Variants in SOX5 observed in about 807,000 individuals in gnomAD.
SOX5 encodes SRY-box transcription factor 5, also known as transcription factor SOX-5.
SOX5 carries 9 observed loss-of-function variants against 92.0 expected under a neutral mutation model. That is an observed-to-expected ratio of 0.10 (90% CI 0.06 to 0.17). The LOEUF is 0.17. Among genes scored for constraint, SOX5 ranks in the 10% least tolerant of loss-of-function variants. The pLI is 1.00. For synonymous variants in SOX5, 344 were observed against 336.3 expected, an observed-to-expected ratio of 1.02 and a Z score of -0.25; for missense variants, 642 against 944.5, an observed-to-expected ratio of 0.68 and a Z score of 4.20.
At chr12:24,513,158 T>A (rs545770092) in intron 1 of SOX5, among the ~76,000 whole-genome samples, 4 of 152,290 alleles carry the variant, frequency 2.6e-5, no homozygotes, top group Admixed American at 6.5e-5. Context: ...TACCAGACGA[T>A]TTTGCCCAAC....
intron 1 of SOX5, among the ~76,000 whole-genome samples, chr12:23,943,841 C>T (rs1209327269): frequency 6.6e-6 from 1 of 152,024 alleles, no homozygotes; most frequent in Non-Finnish European, 1.5e-5. Context: ...GCAAAAACTC[C>T]TTAAACTACC....
chr12:23,543,444 G>T, intron 12 of SOX5, 60 bp from the exon 13 acceptor site: 1 of 1,317,988 alleles, frequency 7.6e-7, no homozygotes, highest in Non-Finnish European at 1.1e-6. Context: ...TCTTTTCCTT[G>T]CATTCCTATT....
intron 2 of SOX5, among the ~76,000 whole-genome samples, 185 bp downstream of exon 2, chr12:23,895,608 G>A (rs887269170): frequency 4.6e-5 from 7 of 152,064 alleles, no homozygotes; most frequent in Admixed American, 1.3e-4. Context: ...CAAAAGAAAC[G>A]AAAACAGCGT....
intron 3 of SOX5, among the ~76,000 whole-genome samples, chr12:24,240,163 T>G (rs912714657): frequency 7.2e-5 from 11 of 152,218 alleles, no homozygotes; most frequent in African/African-American, 2.7e-4. Flanking sequence ...TCACTTTAGT[T>G]CTTTAACTTG....
intron 3 of SOX5, among the ~76,000 whole-genome samples, chr12:23,843,207 CA>C (rs35279483): frequency 0.31 from 46,629 of 151,514 alleles, 7,853 homozygotes; most frequent in Middle Eastern, 0.42. Context: ...CTGTCACAGC[CA>C]AAAAAAGCCT....
At chr12:24,392,188 G>T (rs567652823) in intron 1 of SOX5, among the ~76,000 whole-genome samples, 2 of 152,054 alleles carry the variant, frequency 1.3e-5, no homozygotes, top group African/African-American at 2.4e-5. Flanking sequence ...CTCTCACTGC[G>T]CTATTGCAAT....
chr12:23,533,866 G>A lies in SOX5; in HGVS notation c.*353C>T, dbSNP rs1428060320. ...TTGTTGGCACTGTGTACCTGAGTGAGAATTTCTAGAACATTGTAGAACAAA... is the reference window on the plus strand; with the variant it reads ...TTGTTGGCACTGTGTACCTGAGTGAAAATTTCTAGAACATTGTAGAACAAA... On this transcript the variant is annotated 3_prime_UTR_variant, in exon 15 of 15. Transcript: ENST00000451604. The A allele has an allele frequency of 5.8e-6, 1 of 173,012 alleles. No homozygotes were observed. Among genetic ancestry groups the A allele is most frequent in the African/African-American group, 2.4e-5 (1 of 41,486 alleles). 10.7% of individuals were successfully genotyped at this position (173,012 alleles called of 1,614,324 possible).
At chr12:24,536,258 T>C (rs906966912) in intron 1 of SOX5, among the ~76,000 whole-genome samples, 1 of 152,180 alleles carries the variant, frequency 6.6e-6, no homozygotes, top group East Asian at 1.9e-4. Flanking sequence ...GTGGGAAAGC[T>C]AAGAGAAATG....
At chr12:23,711,397 G>A (rs1486569828) in intron 6 of SOX5, among the ~76,000 whole-genome samples, 1 of 152,134 alleles carries the variant, frequency 6.6e-6, no homozygotes. Flanking sequence ...ATAAAATACA[G>A]GCAAAGCAGT....
chr12:24,025,120 A>C (rs1030207971), intron 4 of SOX5, among the ~76,000 whole-genome samples: 3 of 152,084 alleles, frequency 2.0e-5, no homozygotes, highest in Admixed American at 1.3e-4. Context: ...TGCTATTTTT[A>C]ATGTATAAAA....
intron 13 of SOX5, among the ~76,000 whole-genome samples, chr12:23,540,823 G>T (rs372268013): frequency 2.0e-5 from 3 of 152,122 alleles, no homozygotes; most frequent in African/African-American, 7.2e-5. Context: ...CAGCTCAAGC[G>T]CCTGTTTTAA....
chr12:24,061,420 C>A (rs1218281884), intron 4 of SOX5, among the ~76,000 whole-genome samples: 2 of 150,642 alleles, frequency 1.3e-5, no homozygotes, highest in Non-Finnish European at 1.5e-5. Flanking sequence ...TTTGTAGTCA[C>A]AATGTTTGGT....
intron 1 of SOX5, among the ~76,000 whole-genome samples, chr12:23,916,368 T>C (rs1021433505): frequency 1.3e-5 from 2 of 152,196 alleles, no homozygotes; most frequent in Non-Finnish European, 2.9e-5. Context: ...AAATGTGCAG[T>C]TCCAGGTAGA....
chr12:23,935,840 TAAAA>T (rs2139363115), intron 1 of SOX5, among the ~76,000 whole-genome samples: 1 of 151,316 alleles, frequency 6.6e-6, no homozygotes, highest in East Asian at 1.9e-4. Context: ...TATCTGCCAC[TAAAA>T]TAAATAACAG....
At chr12:23,975,997 ACAC>A (rs1948847927) in intron 4 of SOX5, among the ~76,000 whole-genome samples, 1 of 152,182 alleles carries the variant, frequency 6.6e-6, no homozygotes, top group Non-Finnish European at 1.5e-5. Context: ...TAGCTATTAA[ACAC>A]CACAATGAGC....
intron 3 of SOX5, among the ~76,000 whole-genome samples, chr12:24,235,178 A>T (rs1318486837): frequency 5.9e-5 from 9 of 152,186 alleles, no homozygotes; most frequent in Non-Finnish European, 1.2e-4. Flanking sequence ...GGCTCGGAAA[A>T]CATTTGTTTC....
rs565723394 is a variant in SOX5 at position 23,834,890 on chromosome 12, A to G, written c.481+11093T>C. Among the ~76,000 whole-genome samples the G allele has an allele frequency of 6.6e-5, 10 of 152,048 alleles. No homozygotes were observed. The East Asian group carries it at 1.9e-3, about 29-fold the overall frequency. ...AAATGGCCATTTCAAAGAGATGCTG[A>G]AGGTGACAAAGACATGAATATAGAA... On this transcript the variant is annotated intron_variant, in intron 3 of 14. Coordinates refer to ENST00000451604, the MANE Select transcript of SOX5 (RefSeq NM_006940.6).
At chr12:23,734,886 T>G in intron 5 of SOX5, 134 bp from the exon 6 acceptor site, 1 of 617,604 alleles carries the variant, frequency 1.6e-6, no homozygotes, top group South Asian at 2.1e-5. Context: ...TGCTCCTAAA[T>G]TATCAGCAAT....
chr12:24,019,851 T>C (rs1954086227), intron 4 of SOX5, among the ~76,000 whole-genome samples: 1 of 152,148 alleles, frequency 6.6e-6, no homozygotes, highest in South Asian at 2.1e-4. Context: ...AAATTATATT[T>C]CCCTCTTAAA....
Sources: gnomAD v4.1 joint callset for allele counts (sites outside exome capture counted in the v4.1 genomes callset) on GRCh38, gnomAD v4.1.1 for gene constraint, MANE v1.5 for transcripts, NCBI Gene and HGNC (gene_info 2026-07-23, HGNC 2026-07-21) for gene names.